Variants in PLCL1 observed in about 807,000 individuals in gnomAD.
PLCL1 encodes inactive phospholipase C-like protein 1.
PLCL1 carries 41 observed loss-of-function variants against 84.4 expected under a neutral mutation model. The ratio of observed to expected loss-of-function variants is 0.49; its 90% CI spans 0.38 to 0.63. The LOEUF (loss-of-function observed/expected upper bound fraction) is 0.63. PLCL1 is among the 30% of genes least tolerant of loss of function. PLCL1 has a pLI of 0.00. For synonymous variants in PLCL1, 490 were observed against 488.3 expected (o/e 1.00, Z -0.05); for missense variants, 1,206 against 1,367.8 (o/e 0.88, Z 1.87).
intron 1 of PLCL1, among the ~76,000 whole-genome samples, chr2:197,825,493 C>T (rs568694949): frequency 6.6e-6 from 1 of 152,242 alleles, no homozygotes; most frequent in East Asian, 1.9e-4. Context: ...AAGAAAGGGA[C>T]CACATTTTAG....
chr2:198,094,125 G>A (rs919491583), intron 3 of PLCL1, among the ~76,000 whole-genome samples: 1 of 151,922 alleles, frequency 6.6e-6, no homozygotes, highest in African/African-American at 2.4e-5. Context: ...ACAGTGGCGC[G>A]ATCTCAGCTC....
At chr2:198,033,792 C>T (rs1347648575) in intron 1 of PLCL1, among the ~76,000 whole-genome samples, 3 of 152,034 alleles carry the variant, frequency 2.0e-5, no homozygotes, top group East Asian at 3.9e-4. Context: ...CCAGTCTCTA[C>T]CCCCTCAAGC....
chr2:198,021,852 T>C (rs1419825463), intron 1 of PLCL1, among the ~76,000 whole-genome samples: 1 of 152,096 alleles, frequency 6.6e-6, no homozygotes, highest in Non-Finnish European at 1.5e-5. Context: ...CTGAAACTAT[T>C]CAAAACAATA....
At chr2:197,933,964 C>G (rs1688999908) in intron 1 of PLCL1, among the ~76,000 whole-genome samples, 1 of 152,030 alleles carries the variant, frequency 6.6e-6, no homozygotes. Context: ...ATGGTTATAG[C>G]TGCAGAAATA....
chr2:198,133,373 T>C (rs1336471281), intron 5 of PLCL1, among the ~76,000 whole-genome samples: 1 of 78,512 alleles, frequency 1.3e-5, no homozygotes, highest in African/African-American at 5.2e-5. Context: ...CTGGGGACTG[T>C]GGTGGGGTGG....
At chr2:198,095,765 G>A (rs1453885417) in intron 3 of PLCL1, among the ~76,000 whole-genome samples, 1 of 152,158 alleles carries the variant, frequency 6.6e-6, no homozygotes, top group African/African-American at 2.4e-5. Context: ...GAATTGGTTT[G>A]ACTTTTTTCA....
chr2:197,946,567 T>C (rs1034915715), intron 1 of PLCL1, among the ~76,000 whole-genome samples: 1 of 152,176 alleles, frequency 6.6e-6, no homozygotes, highest in African/African-American at 2.4e-5. Flanking sequence ...GAAAGATATA[T>C]GAACAGATAA....
intron 1 of PLCL1, among the ~76,000 whole-genome samples, chr2:197,838,569 A>G (rs1306770396): frequency 1.3e-5 from 2 of 152,242 alleles, no homozygotes; most frequent in African/African-American, 2.4e-5. Context: ...TAGAAAAAAA[A>G]TCATGAATTG....
At chr2:197,927,176 T>C (rs1688847630) in intron 1 of PLCL1, among the ~76,000 whole-genome samples, 1 of 152,220 alleles carries the variant, frequency 6.6e-6, no homozygotes, top group Non-Finnish European at 1.5e-5. Context: ...TAGGGAAGAA[T>C]TTGTGGCCAT....
rs896766500 is a variant in PLCL1, at chr2:197,939,930, A to G, written c.240+134591A>G. 2.0e-5 allele frequency among the ~76,000 whole-genome samples: 3 copies of G among 152,030 alleles called. No individual in the cohort carries two copies. The South Asian group carries it at 6.2e-4, about 32-fold the overall frequency. On this transcript the variant is annotated intron_variant, in intron 1 of 5. Transcript: ENST00000428675. Reference sequence around the variant, plus strand: ...TAAACAACCCCCAAAAACAGCACATACCAATACTTAGGCATCAGCCTCAGA... The same window carrying G: ...TAAACAACCCCCAAAAACAGCACATGCCAATACTTAGGCATCAGCCTCAGA...
At chr2:197,992,811 T>A (rs1048502318) in intron 1 of PLCL1, among the ~76,000 whole-genome samples, 2 of 152,230 alleles carry the variant, frequency 1.3e-5, no homozygotes, top group African/African-American at 4.8e-5. Flanking sequence ...TATTTGTCTT[T>A]ATGTGACTGG....
chr2:198,007,782 C>G (rs559320603), intron 1 of PLCL1, among the ~76,000 whole-genome samples: 9 of 152,182 alleles, frequency 5.9e-5, no homozygotes, highest in Admixed American at 5.9e-4. Flanking sequence ...ATTGATATTT[C>G]TCAATTTATC....
intron 1 of PLCL1, among the ~76,000 whole-genome samples, chr2:197,928,739 G>T (rs1688878216): frequency 2.6e-5 from 4 of 152,132 alleles, no homozygotes. Context: ...CCTTTGCTTA[G>T]TTCCAAGATT....
At chr2:197,831,908 G>A (rs1336625223) in intron 1 of PLCL1, among the ~76,000 whole-genome samples, 1 of 152,128 alleles carries the variant, frequency 6.6e-6, no homozygotes, top group African/African-American at 2.4e-5. Context: ...AATGACTACT[G>A]GGTAAATAAC....
intron 1 of PLCL1, among the ~76,000 whole-genome samples, chr2:198,003,467 C>T (rs990621000): frequency 6.6e-6 from 1 of 152,150 alleles, no homozygotes; most frequent in Non-Finnish European, 1.5e-5. Context: ...GAATTATGTG[C>T]TGGACTCTTG....
chr2:198,045,797 CAAT>C (rs1185832916), intron 1 of PLCL1, among the ~76,000 whole-genome samples: 1 of 152,084 alleles, frequency 6.6e-6, no homozygotes, highest in South Asian at 2.1e-4. Context: ...TGAAAATTGT[CAAT>C]AATAGCATAC....
chr2:197,974,294 C>G (rs990801685), intron 1 of PLCL1, among the ~76,000 whole-genome samples: 2 of 152,098 alleles, frequency 1.3e-5, no homozygotes, highest in African/African-American at 2.4e-5. Flanking sequence ...AAGTCCTGGG[C>G]TGGAGATTTC....
chr2:198,047,958 G>C (rs536474672), intron 1 of PLCL1, among the ~76,000 whole-genome samples: 1 of 152,266 alleles, frequency 6.6e-6, no homozygotes, highest in South Asian at 2.1e-4. Context: ...AGAACCTTCT[G>C]TAGTAGAACC....
At chr2:197,992,234 A>C (rs952559189) in intron 1 of PLCL1, among the ~76,000 whole-genome samples, 7 of 152,196 alleles carry the variant, frequency 4.6e-5, no homozygotes, top group African/African-American at 1.7e-4. Flanking sequence ...CAAAATATAT[A>C]TATTACAAAT....
Sources: gnomAD v4.1 joint callset for allele counts (sites outside exome capture counted in the v4.1 genomes callset) on GRCh38, gnomAD v4.1.1 for gene constraint, MANE v1.5 for transcripts, NCBI Gene and HGNC (gene_info 2026-07-23, HGNC 2026-07-21) for gene names.